Variants in VPS13A observed in about 807,000 individuals in gnomAD.
VPS13A encodes the protein intermembrane lipid transfer protein VPS13A.
Under a neutral mutation model 390.9 loss-of-function variants are expected in VPS13A, and 264 were observed. The observed-to-expected ratio is 0.68, with a 90% CI of 0.61 to 0.75. The LOEUF (loss-of-function observed/expected upper bound fraction) is 0.75, where lower values mean the gene tolerates loss of function less well. Ranked by LOEUF, VPS13A falls within the 30% of genes least tolerant of loss-of-function variation. VPS13A has a pLI of 0.00. For missense variants in VPS13A, 3,409 were observed against 3,733.9 expected, an observed-to-expected ratio of 0.91 and a Z score of 2.27; for synonymous variants, 1,231 against 1,227.1, an observed-to-expected ratio of 1.00 and a Z score of -0.07.
At chr9:77,288,232 A>C (rs1030882889) in intron 31 of VPS13A, among the ~76,000 whole-genome samples, 5 of 151,974 alleles carry the variant, frequency 3.3e-5, no homozygotes, top group African/African-American at 1.2e-4. Context: ...GATTTTATTG[A>C]TACTTTGAAA....
At chr9:77,246,243 T>A (rs1484620024) in intron 19 of VPS13A, among the ~76,000 whole-genome samples, 1 of 152,214 alleles carries the variant, frequency 6.6e-6, no homozygotes, top group African/African-American at 2.4e-5. Context: ...TACTTTTAAT[T>A]TATTCATTTT....
At chr9:77,309,052 T>C (rs888545638) in intron 35 of VPS13A, among the ~76,000 whole-genome samples, 5 of 151,972 alleles carry the variant, frequency 3.3e-5, no homozygotes, top group Non-Finnish European at 5.9e-5. Context: ...AAACAGACAA[T>C]TGAGGTGACA....
chr9:77,408,514 C>G (rs1206193508), intron 71 of VPS13A, among the ~76,000 whole-genome samples: 2 of 152,218 alleles, frequency 1.3e-5, no homozygotes, highest in Non-Finnish European at 2.9e-5. Flanking sequence ...CCAGGAAGTG[C>G]AAGGGGTCAG....
intron 31 of VPS13A, among the ~76,000 whole-genome samples, chr9:77,284,126 TG>T (rs1827198339): frequency 1.3e-5 from 2 of 152,114 alleles, no homozygotes; most frequent in South Asian, 2.1e-4. Flanking sequence ...TCCTTTGAAC[TG>T]GATGATTAGT....
intron 69 of VPS13A, 147 bp from the exon 70 acceptor site, chr9:77,405,717 A>G (rs1834568930): frequency 9.5e-7 from 1 of 1,053,410 alleles, no homozygotes; most frequent in African/African-American, 1.6e-5. Context: ...TTATGGTTCC[A>G]GTTCTTTTAA....
intron 58 of VPS13A, among the ~76,000 whole-genome samples, 154 bp downstream of exon 58, chr9:77,359,556 G>A (rs113450081): frequency 6.3e-4 from 96 of 152,100 alleles, no homozygotes; most frequent in African/African-American, 2.2e-3. Context: ...TGTGGCTCAC[G>A]CCTGTAATGC....
chr9:77,280,103 A>G (rs1826929394), intron 26 of VPS13A, 56 bp from the exon 27 acceptor site: 3 of 1,347,852 alleles, frequency 2.2e-6, no homozygotes, highest in East Asian at 2.5e-5. Context: ...GATTGCTTGC[A>G]TTTATTTTCA....
At chr9:77,373,025 A>G (rs1200559558) in intron 67 of VPS13A, among the ~76,000 whole-genome samples, 1 of 152,214 alleles carries the variant, frequency 6.6e-6, no homozygotes, top group Non-Finnish European at 1.5e-5. Context: ...GCTCATGGGT[A>G]GGAAGAATCA....
In VPS13A at chr9:77,330,386, G is replaced by A. The variant is rs116840885; in HGVS notation, c.5992-1624G>A. ...GACTTTTCAAGCTTATGCTCATTCC[G>A]TTTTCCAGACTTTTGATCTTTCCTT... is the stretch of plus-strand genomic sequence containing the variant. On this transcript the variant is annotated intron_variant, in intron 45 of 71. Coordinates refer to ENST00000360280, the MANE Select transcript of VPS13A (RefSeq NM_033305.3). Among the ~76,000 whole-genome samples, 1,303 of 152,100 alleles carry A rather than the reference G, an allele frequency of 8.6e-3. 10 individuals carry two copies. The highest frequency in any genetic ancestry group is 0.014 in the South Asian group (66 of 4,816).
intron 19 of VPS13A, among the ~76,000 whole-genome samples, chr9:77,243,191 T>G (rs764827247): frequency 1.2e-4 from 19 of 152,176 alleles, no homozygotes; most frequent in Non-Finnish European, 2.5e-4. Flanking sequence ...GTATTATAGG[T>G]TGAGTATCCC....
intron 42 of VPS13A, 146 bp from the exon 43 acceptor site, chr9:77,321,023 T>G: frequency 2.8e-6 from 2 of 712,144 alleles, no homozygotes. Flanking sequence ...TTGGCTGATG[T>G]CCAAGTAATT....
intron 1 of VPS13A, among the ~76,000 whole-genome samples, chr9:77,185,943 A>G (rs1824308179): frequency 6.6e-6 from 1 of 152,172 alleles, no homozygotes; most frequent in South Asian, 2.1e-4. Flanking sequence ...CCTGGTCAAC[A>G]TGGTGAAACC....
At chr9:77,311,683 A>T (rs2131419195) in intron 35 of VPS13A, among the ~76,000 whole-genome samples, 1 of 152,350 alleles carries the variant, frequency 6.6e-6, no homozygotes, top group South Asian at 2.1e-4. Context: ...TGAACAAAAA[A>T]ATCGGAAAGA....
Position 77,323,238 on chromosome 9 carries a change from A to T in VPS13A, c.5991+11A>T. Reference sequence around the variant, plus strand: ...CGCTCCCCAGTGCAGGTATGAAATGATCAATTTTGGGGGATGTCCTGTTAT... The same window carrying T: ...CGCTCCCCAGTGCAGGTATGAAATGTTCAATTTTGGGGGATGTCCTGTTAT... On this transcript the variant is annotated intron_variant, in intron 45 of 71. Transcript: ENST00000360280. 1 of 1,612,780 alleles carries T rather than the reference A, an allele frequency of 6.2e-7. No homozygotes were observed.
intron 1 of VPS13A, among the ~76,000 whole-genome samples, chr9:77,192,347 A>G (rs560443222): frequency 6.6e-6 from 1 of 152,136 alleles, no homozygotes; most frequent in Non-Finnish European, 1.5e-5. Context: ...TACATTCAAG[A>G]TGAATATTGT....
chr9:77,278,928 GAGCATGC>G (rs1169841069), intron 26 of VPS13A, among the ~76,000 whole-genome samples: 2 of 152,194 alleles, frequency 1.3e-5, no homozygotes, highest in African/African-American at 4.8e-5. Context: ...TCCCTAGAGG[GAGCATGC>G]AGATGGGCAG....
chr9:77,211,489 C>T (rs1410650318), intron 7 of VPS13A: 2 of 151,894 alleles, frequency 1.3e-5, no homozygotes, highest in African/African-American at 2.4e-5. Context: ...TTTGTTGTAT[C>T]TATTGGGTTT....
chr9:77,404,699 TTAGTTG>T (rs1246075164), intron 69 of VPS13A, among the ~76,000 whole-genome samples: 4 of 152,190 alleles, frequency 2.6e-5, no homozygotes, highest in African/African-American at 7.2e-5. Context: ...GGGAAGTGAA[TTAGTTG>T]TAGTTGAATA....
At chr9:77,280,642 T>C (rs1251333791) in intron 27 of VPS13A, among the ~76,000 whole-genome samples, 1 of 152,196 alleles carries the variant, frequency 6.6e-6, no homozygotes, top group Non-Finnish European at 1.5e-5. Flanking sequence ...TTTTTATTGA[T>C]TTATGATATT....
Sources: allele counts gnomAD v4.1 joint callset (sites outside exome capture counted in the v4.1 genomes callset), GRCh38; gene constraint gnomAD v4.1.1; transcripts MANE v1.5; gene names NCBI Gene and HGNC (gene_info 2026-07-23, HGNC 2026-07-21).